Variants in BMP6 observed in about 807,000 individuals in gnomAD.
BMP6 encodes VG-1-R.
A neutral mutation model predicts 54.1 loss-of-function variants in BMP6; 17 were observed. That is an observed-to-expected ratio of 0.31 (90% confidence interval 0.22 to 0.47). The LOEUF (loss-of-function observed/expected upper bound fraction) is 0.47, where lower values mean the gene tolerates loss of function less well. Ranked by LOEUF, BMP6 falls within the 20% of genes least tolerant of loss-of-function variation. The pLI is 1.00. For synonymous variants in BMP6, 328 were observed against 291.2 expected, an observed-to-expected ratio of 1.13 and a Z score of -1.28; for missense variants, 720 against 690.4, an observed-to-expected ratio of 1.04 and a Z score of -0.48.
At chr6:7,819,606 C>G (rs1007738101) in intron 1 of BMP6, among the ~76,000 whole-genome samples, 19 of 152,178 alleles carry the variant, frequency 1.2e-4, no homozygotes, top group Non-Finnish European at 2.4e-4. Flanking sequence ...CTGGTAATGT[C>G]ACTGAACCAA....
Position 7,862,494 on chromosome 6 carries a change from T to G in BMP6, c.1200T>G (p.Ala400=). 1 of 1,613,876 alleles carries G rather than the reference T, an allele frequency of 6.2e-7. No individual in the cohort carries two copies. Among genetic ancestry groups the G allele is most frequent in the Non-Finnish European group, 8.5e-7 (1 of 1,179,942 alleles). ...AGGACGTGGCGCGGGTCTCCAGTGC[T>G]TCAGGTGGGTTTGTGGGGAGCCTGT... The part of the protein sequence containing the change: ...QSQDVARVSS[A]SDYNSSELKT... The change falls in exon 4 of 7, where the codon GCT becomes GCG. Residue 400 remains alanine, a synonymous_variant. Transcript: ENST00000283147.
chr6:7,845,996 C>T (rs572677656), intron 2 of BMP6, among the ~76,000 whole-genome samples: 178 of 152,242 alleles, frequency 1.2e-3, no homozygotes, highest in African/African-American at 4.1e-3. Flanking sequence ...GTTTTATAGT[C>T]GTTAGTACAG....
At chr6:7,728,565 A>G (rs1050569598) in intron 1 of BMP6, among the ~76,000 whole-genome samples, 1 of 151,750 alleles carries the variant, frequency 6.6e-6, no homozygotes, top group Non-Finnish European at 1.5e-5. Flanking sequence ...TGCAGAGAAG[A>G]CTCTTTTCTT....
chr6:7,849,080 C>T (rs990869973), intron 2 of BMP6, among the ~76,000 whole-genome samples: 1 of 152,168 alleles, frequency 6.6e-6, no homozygotes, highest in Non-Finnish European at 1.5e-5. Context: ...TATGTGGGTA[C>T]AGTCTCAAGA....
intron 1 of BMP6, among the ~76,000 whole-genome samples, chr6:7,753,074 A>G (rs1463078183): frequency 6.6e-6 from 1 of 152,158 alleles, no homozygotes; most frequent in Non-Finnish European, 1.5e-5. Flanking sequence ...TAAAAAAAAA[A>G]TACTGGTTGG....
chr6:7,781,389 C>T (rs1437447419), intron 1 of BMP6, among the ~76,000 whole-genome samples: 1 of 142,958 alleles, frequency 7.0e-6, no homozygotes, highest in Admixed American at 6.9e-5. Context: ...GGGATGTGGG[C>T]TGAGGCTTAG....
intron 1 of BMP6, among the ~76,000 whole-genome samples, chr6:7,770,665 C>A (rs76421296): frequency 6.6e-6 from 1 of 152,190 alleles, no homozygotes; most frequent in Non-Finnish European, 1.5e-5. Flanking sequence ...CCTTTTGATT[C>A]TGTACATCAC....
intron 1 of BMP6, among the ~76,000 whole-genome samples, chr6:7,809,506 G>C (rs1163800171): frequency 1.3e-5 from 2 of 151,964 alleles, no homozygotes; most frequent in African/African-American, 2.4e-5. Flanking sequence ...TTTTTCCTGT[G>C]TGTGGCTATG....
At chr6:7,874,625 G>A (rs1279386511) in intron 4 of BMP6, among the ~76,000 whole-genome samples, 2 of 152,084 alleles carry the variant, frequency 1.3e-5, no homozygotes, top group Non-Finnish European at 2.9e-5. Context: ...GGTGTGTGAT[G>A]TACACCCAGC....
chr6:7,738,927 C>A (rs1762001305), intron 1 of BMP6, among the ~76,000 whole-genome samples: 1 of 152,180 alleles, frequency 6.6e-6, no homozygotes, highest in African/African-American at 2.4e-5. Context: ...CTTGGCTCTT[C>A]TTGCTTTTCT....
intron 1 of BMP6, among the ~76,000 whole-genome samples, chr6:7,735,831 G>A (rs1169624207): frequency 2.6e-5 from 4 of 152,302 alleles, no homozygotes; most frequent in South Asian, 2.1e-4. Context: ...GTGTAATGAT[G>A]TTATCCACCG....
At chr6:7,835,066 G>A (rs930676188) in intron 1 of BMP6, among the ~76,000 whole-genome samples, 1 of 152,174 alleles carries the variant, frequency 6.6e-6, no homozygotes, top group African/African-American at 2.4e-5. Flanking sequence ...TGTACCAGAA[G>A]ACAATGGCAT....
At chr6:7,776,844 T>C (rs546567288) in intron 1 of BMP6, among the ~76,000 whole-genome samples, 1 of 152,328 alleles carries the variant, frequency 6.6e-6, no homozygotes, top group Admixed American at 6.5e-5. Flanking sequence ...CTTAGCTCTG[T>C]ACCCCAGTTT....
intron 2 of BMP6, among the ~76,000 whole-genome samples, chr6:7,854,490 T>A (rs1759194320): frequency 6.6e-6 from 1 of 152,236 alleles, no homozygotes; most frequent in Non-Finnish European, 1.5e-5. Flanking sequence ...AATATTTGCA[T>A]GTCACATGTT....
At chr6:7,757,516 T>A (rs917580251) in intron 1 of BMP6, among the ~76,000 whole-genome samples, 2 of 152,232 alleles carry the variant, frequency 1.3e-5, no homozygotes, top group Admixed American at 1.3e-4. Context: ...CAGTATGACC[T>A]CATCTTAATT....
intron 4 of BMP6, among the ~76,000 whole-genome samples, chr6:7,868,774 G>A (rs1049986389): frequency 2.6e-5 from 4 of 152,218 alleles, no homozygotes; most frequent in Non-Finnish European, 4.4e-5. Flanking sequence ...GGGGACACCC[G>A]GCTGAGCTGG....
chr6:7,814,759 C>T (rs1758500375), intron 1 of BMP6, among the ~76,000 whole-genome samples: 1 of 152,018 alleles, frequency 6.6e-6, no homozygotes, highest in Non-Finnish European at 1.5e-5. Flanking sequence ...TAATAATTAT[C>T]TCTATTTAAA....
chr6:7,826,033 G>A (rs1758692072), intron 1 of BMP6, among the ~76,000 whole-genome samples: 1 of 152,228 alleles, frequency 6.6e-6, no homozygotes, highest in Admixed American at 6.5e-5. Flanking sequence ...CAGCTCTGCA[G>A]CCAGAGGACC....
At chr6:7,759,081 T>C (rs1045807819) in intron 1 of BMP6, among the ~76,000 whole-genome samples, 1 of 152,234 alleles carries the variant, frequency 6.6e-6, no homozygotes, top group South Asian at 2.1e-4. Flanking sequence ...AATGGTTAGA[T>C]GGTATAAGGA....
Sources: allele counts gnomAD v4.1 joint callset (sites outside exome capture counted in the v4.1 genomes callset), GRCh38; gene constraint gnomAD v4.1.1; transcripts MANE v1.5; gene names NCBI Gene and HGNC (gene_info 2026-07-23, HGNC 2026-07-21).